Variants in PTPDC1 observed in about 807,000 individuals in gnomAD.
PTPDC1 encodes the protein protein tyrosine phosphatase domain-containing protein 1.
Under a neutral mutation model 75.3 loss-of-function variants are expected in PTPDC1, and 53 were observed. That is an observed-to-expected ratio of 0.70 (90% CI 0.56 to 0.88). The LOEUF (loss-of-function observed/expected upper bound fraction) is 0.88. PTPDC1 is among the 40% of genes least tolerant of loss of function. The pLI is 0.00. For synonymous variants in PTPDC1, 349 were observed against 366.2 expected (o/e 0.95, Z 0.54); for missense variants, 925 against 998.6 (o/e 0.93, Z 0.99).
chr9:94,104,257 T>C lies in PTPDC1; in HGVS notation c.2200-18T>C. The C allele has an allele frequency of 6.3e-7, 1 of 1,581,712 alleles. No individual in the cohort carries two copies. The highest frequency in any genetic ancestry group is 8.7e-7 in the Non-Finnish European group (1 of 1,155,548). On this transcript the variant is annotated intron_variant, in intron 7 of 8. Coordinates refer to ENST00000620992, the MANE Select transcript of PTPDC1 (RefSeq NM_001253829.2). ...ATTTTTTGAAAAATTTTTTAAATTT[T>C]GATTTCTACAAAAACAGGGACAGCA...
chr9:94,084,403 C>T, upstream of PTPDC1: 1 of 1,432,666 alleles, frequency 7.0e-7, no homozygotes, highest in South Asian at 1.5e-5. Context: ...GCCATGGAAA[C>T]CAGTCAGCCA....
At chr9:94,101,819 A>G (rs921152063) in intron 7 of PTPDC1, 68 bp downstream of exon 7, 14 of 884,056 alleles carry the variant, frequency 1.6e-5, no homozygotes, top group Non-Finnish European at 2.4e-5. Flanking sequence ...AGAAAAAAAA[A>G]ATCCATTATA....
At chr9:94,067,468 TATC>T (rs1231009533) in intron 2 of PTPDC1, among the ~76,000 whole-genome samples, 2 of 152,120 alleles carry the variant, frequency 1.3e-5, no homozygotes, top group African/African-American at 4.8e-5. Context: ...ATTTACTTGA[TATC>T]ATCAAATATC....
chr9:94,051,200 G>T (rs1825781196), intron 1 of PTPDC1, among the ~76,000 whole-genome samples: 1 of 152,142 alleles, frequency 6.6e-6, no homozygotes, highest in African/African-American at 2.4e-5. Flanking sequence ...CTCATGCTGG[G>T]TGCGCTGCAC....
At chr9:94,047,197 A>T (rs1347230706) in intron 1 of PTPDC1, among the ~76,000 whole-genome samples, 16 of 152,170 alleles carry the variant, frequency 1.1e-4, no homozygotes, top group Admixed American at 4.6e-4. Context: ...GATGAAGCCC[A>T]CTTGATCATG....
chr9:94,062,190 G>T (rs868043330), intron 1 of PTPDC1, among the ~76,000 whole-genome samples: 2 of 152,196 alleles, frequency 1.3e-5, no homozygotes, highest in Middle Eastern at 3.4e-3. Context: ...CCTAGGGCAG[G>T]GGCACAATCC....
intron 2 of PTPDC1, among the ~76,000 whole-genome samples, chr9:94,070,881 T>G (rs1371577800): frequency 6.6e-6 from 1 of 152,228 alleles, no homozygotes; most frequent in African/African-American, 2.4e-5. Flanking sequence ...TTCCGTGGTA[T>G]GGATGTACCA....
At chr9:94,036,628 A>C (rs1655318241) in intron 1 of PTPDC1, among the ~76,000 whole-genome samples, 1 of 152,210 alleles carries the variant, frequency 6.6e-6, no homozygotes, top group Non-Finnish European at 1.5e-5. Flanking sequence ...ACAAGGCCAT[A>C]ACCTGCTCTG....
At chr9:94,063,706 T>A (rs1826213311) in intron 1 of PTPDC1, among the ~76,000 whole-genome samples, 1 of 152,190 alleles carries the variant, frequency 6.6e-6, no homozygotes, top group Admixed American at 6.5e-5. Context: ...TCACTGAGAT[T>A]TGAGAAGTGA....
At chr9:94,070,863 G>C (rs376930315) in intron 2 of PTPDC1, among the ~76,000 whole-genome samples, 1 of 152,256 alleles carries the variant, frequency 6.6e-6, no homozygotes, top group East Asian at 1.9e-4. Flanking sequence ...TTTTATTGCT[G>C]AGTAGTATTC....
intron 2 of PTPDC1, among the ~76,000 whole-genome samples, chr9:94,069,916 C>T (rs1026830572): frequency 6.6e-6 from 1 of 151,520 alleles, no homozygotes; most frequent in African/African-American, 2.4e-5. Flanking sequence ...CCTCCGCCTC[C>T]CGGGTTCACG....
intron 7 of PTPDC1, among the ~76,000 whole-genome samples, chr9:94,104,025 G>C (rs1827932394): frequency 6.6e-6 from 1 of 152,188 alleles, no homozygotes; most frequent in Admixed American, 6.5e-5. Context: ...AAAGTGCACT[G>C]ATCTTCAAAT....
At chr9:94,077,401 C>A (rs1003920920) in intron 2 of PTPDC1, among the ~76,000 whole-genome samples, 2 of 152,200 alleles carry the variant, frequency 1.3e-5, no homozygotes, top group African/African-American at 4.8e-5. Context: ...ACTTCTGATG[C>A]CAGTCACAAG....
intron 1 of PTPDC1, among the ~76,000 whole-genome samples, chr9:94,043,504 C>A (rs1322094029): frequency 6.6e-6 from 1 of 152,068 alleles, no homozygotes; most frequent in African/African-American, 2.4e-5. Context: ...ATAGGATATA[C>A]CCTTCCTCTT....
chr9:94,036,823 A>G (rs1340585101), intron 1 of PTPDC1, among the ~76,000 whole-genome samples: 1 of 152,140 alleles, frequency 6.6e-6, no homozygotes, highest in Non-Finnish European at 1.5e-5. Context: ...GCATTTTTTC[A>G]TCTCTAAGAG....
At chr9:94,104,211 TTTGAA>T in intron 7 of PTPDC1, 59 bp from the exon 8 acceptor site, 3 of 1,086,650 alleles carry the variant, frequency 2.8e-6, no homozygotes, top group Non-Finnish European at 4.1e-6. Context: ...CTACGATAGT[TTTGAA>T]TTGATTTATT....
In PTPDC1 at chr9:94,032,452, A is replaced by G. The variant is rs183184113; in HGVS notation, c.-7+1325A>G. Among the ~76,000 whole-genome samples, 19 of 152,248 alleles carry G rather than the reference A, an allele frequency of 1.2e-4. No homozygotes were observed. The East Asian group carries it at 3.7e-3, about 29-fold the overall frequency. On this transcript the variant is annotated intron_variant, in intron 1 of 9. Coordinates refer to the PTPDC1 transcript ENST00000375360. ...AAGGGGCTCAAATTTCTCCTCCCAA[A>G]CAGAGATTCCATCTCCTTTTCCAGA...
At chr9:94,101,924 G>C (rs1343494299) in intron 7 of PTPDC1, among the ~76,000 whole-genome samples, 173 bp downstream of exon 7, 1 of 152,076 alleles carries the variant, frequency 6.6e-6, no homozygotes, top group Non-Finnish European at 1.5e-5. Flanking sequence ...TAAACACTTA[G>C]AAAATACAAA....
chr9:94,062,376 C>G (rs1175820425), intron 1 of PTPDC1, among the ~76,000 whole-genome samples: 1 of 152,180 alleles, frequency 6.6e-6, no homozygotes, highest in Non-Finnish European at 1.5e-5. Flanking sequence ...CCTCATCTTC[C>G]AGTCTTCTGA....
Sources: allele counts gnomAD v4.1 joint callset (sites outside exome capture counted in the v4.1 genomes callset), GRCh38; gene constraint gnomAD v4.1.1; transcripts MANE v1.5; gene names NCBI Gene and HGNC (gene_info 2026-07-23, HGNC 2026-07-21).